Variants in DNASE1 observed in about 807,000 individuals in gnomAD.
The protein encoded by DNASE1 is deoxyribonuclease-1.
Under a neutral mutation model 33.9 loss-of-function variants are expected in DNASE1, and 40 were observed. That is an observed-to-expected ratio of 1.18 (90% CI 0.92 to 1.54). DNASE1 has a LOEUF of 1.54. DNASE1 is among the 40% of genes most tolerant of loss of function. DNASE1 has a pLI of 0.00. For synonymous variants in DNASE1, 216 were observed against 160.0 expected (o/e 1.35, Z -2.64); for missense variants, 518 against 372.6 (o/e 1.39, Z -3.21).
upstream of DNASE1, chr16:3,640,981 C>G (rs2042009729): frequency 2.5e-6 from 1 of 398,732 alleles, no homozygotes; most frequent in Non-Finnish European, 4.4e-6. Context: ...CAGTGGGGAG[C>G]AGGCCCAACA....
chr16:3,655,070 G>T (rs1381768726), intron 1 of DNASE1, 26 bp downstream of exon 1: 1 of 586,692 alleles, frequency 1.7e-6, no homozygotes, highest in African/African-American at 1.9e-5. Flanking sequence ...AGTGCCTCTG[G>T]GTGACTGGCC....
rs967458523 is a variant in DNASE1 at position 3,663,535 on chromosome 16, C to T, written c.*5582C>T. ...TCACGAAGGTGCAGCAGGGTGAGCT[C>T]ATCAAACTGCTCAAAGCAGAAGAGA... On this transcript the variant is annotated 3_prime_UTR_variant, in exon 10 of 10. Coordinates refer to the DNASE1 transcript ENST00000407479. The T allele has an allele frequency of 1.2e-6, 2 of 1,614,078 alleles. No homozygotes were observed. The highest frequency in any genetic ancestry group is 1.7e-6 in the Non-Finnish European group (2 of 1,180,006).
At chr16:3,663,059 C>G (rs2043175078), downstream of DNASE1, 1 of 952,114 alleles carries the variant, frequency 1.1e-6, no homozygotes, top group African/African-American at 1.6e-5. Context: ...GCTCCCACCT[C>G]CTCTCCCACC....
At chr16:3,646,885 T>A (rs1380325665) in intron 1 of DNASE1, among the ~76,000 whole-genome samples, 2 of 151,718 alleles carry the variant, frequency 1.3e-5, no homozygotes, top group East Asian at 3.9e-4. Context: ...TGATCTCAGG[T>A]ATTCTAGCAC....
intron 1 of DNASE1, among the ~76,000 whole-genome samples, chr16:3,612,182 G>C (rs1391768884): frequency 6.6e-6 from 1 of 152,212 alleles, no homozygotes; most frequent in East Asian, 1.9e-4. Flanking sequence ...CTTGGTATTT[G>C]AGGGACTTTA....
At chr16:3,614,543 ATAAT>A (rs1216251606) in intron 1 of DNASE1, among the ~76,000 whole-genome samples, 2 of 152,204 alleles carry the variant, frequency 1.3e-5, no homozygotes, top group East Asian at 3.8e-4. Flanking sequence ...GATAATTTAA[ATAAT>A]TCCATCACGC....
chr16:3,662,115 G>T (rs1178539117), downstream of DNASE1: 1 of 1,612,676 alleles, frequency 6.2e-7, no homozygotes, highest in East Asian at 2.2e-5. Flanking sequence ...CAGGGTGGGT[G>T]TCCAGTCGGA....
chr16:3,664,454 G>A (rs1893305720), exon 10 of DNASE1: 4 of 1,609,838 alleles, frequency 2.5e-6, no homozygotes, highest in East Asian at 4.5e-5. Context: ...GCTTTGCTAT[G>A]TCCTCCTAGA....
At chr16:3,612,913 T>C (rs929364146) in intron 1 of DNASE1, among the ~76,000 whole-genome samples, 2 of 152,138 alleles carry the variant, frequency 1.3e-5, no homozygotes, top group South Asian at 4.1e-4. Context: ...GAGAGTAGTG[T>C]GCCTCCAGTC....
chr16:3,648,028 C>T (rs563299105), intron 1 of DNASE1, among the ~76,000 whole-genome samples: 1 of 152,210 alleles, frequency 6.6e-6, no homozygotes, highest in South Asian at 2.1e-4. Context: ...CTTAGCCAGG[C>T]ATGGTGGCGC....
At chr16:3,626,488 G>A (rs994571429) in intron 1 of DNASE1, among the ~76,000 whole-genome samples, 2 of 152,168 alleles carry the variant, frequency 1.3e-5, no homozygotes, top group African/African-American at 2.4e-5. Context: ...TATGGTCAGA[G>A]ATCATACTTT....
chr16:3,647,384 C>G (rs545410715), intron 1 of DNASE1, among the ~76,000 whole-genome samples: 3 of 151,836 alleles, frequency 2.0e-5, no homozygotes, highest in Non-Finnish European at 4.4e-5. Flanking sequence ...CACAATCCTC[C>G]TACCTCAGCC....
chr16:3,645,078 A>G (rs922244636), intron 1 of DNASE1, among the ~76,000 whole-genome samples: 11 of 149,114 alleles, frequency 7.4e-5, no homozygotes, highest in Non-Finnish European at 1.5e-4. Flanking sequence ...CAGTGAGCCA[A>G]GATTGTGCCA....
chr16:3,638,732 C>T (rs954735749), upstream of DNASE1, among the ~76,000 whole-genome samples: 5 of 152,140 alleles, frequency 3.3e-5, no homozygotes, highest in Non-Finnish European at 7.3e-5. Flanking sequence ...ATTTCTGTCT[C>T]CTCTTTGTTT....
At chr16:3,651,026 G>T (rs2042320035), upstream of DNASE1, 1 of 152,136 alleles carries the variant, frequency 6.6e-6, no homozygotes, top group Non-Finnish European at 1.5e-5. Context: ...AGTTCATGGG[G>T]GTGCCTCCGT....
chr16:3,658,498 A>T (rs1177958655), downstream of DNASE1: 8 of 571,542 alleles, frequency 1.4e-5, no homozygotes, highest in East Asian at 2.4e-4. Flanking sequence ...CCTGGCCAAG[A>T]TGGTGAAAAC....
At chr16:3,663,379 G>T (rs565470567) in exon 10 of DNASE1, 4 of 1,611,600 alleles carry the variant, frequency 2.5e-6, no homozygotes, top group Non-Finnish European at 3.4e-6. Context: ...GAGGCGTGCG[G>T]GGAGTGGAAA....
chr16:3,658,225 G>GTATATCTGAAAGGCAAGAGGAGAAACCCA (rs2042832648), downstream of DNASE1: 3 of 1,613,350 alleles, frequency 1.9e-6, no homozygotes, highest in East Asian at 6.7e-5. Context: ...TGGCGTTCTC[G>GTATATCTGAAAGGCAAGAGGAGAAACCCA]TATATCTGAA....
intron 1 of DNASE1, among the ~76,000 whole-genome samples, chr16:3,613,806 C>T (rs1252434221): frequency 1.3e-5 from 2 of 151,520 alleles, no homozygotes; most frequent in East Asian, 1.9e-4. Flanking sequence ...CAGGCTGGAG[C>T]GCAGTGGTGT....
Sources: allele counts gnomAD v4.1 joint callset (sites outside exome capture counted in the v4.1 genomes callset), GRCh38; gene constraint gnomAD v4.1.1; transcripts MANE v1.5; gene names NCBI Gene and HGNC (gene_info 2026-07-23, HGNC 2026-07-21).